The following GABRB1 variants were observed in gnomAD, a reference collection of about 807,000 sequenced individuals.
The protein encoded by GABRB1 is gamma-aminobutyric acid receptor subunit beta-1.
Under a neutral mutation model 51.6 loss-of-function variants are expected in GABRB1, and 17 were observed. The observed-to-expected ratio is 0.33, with a 90% CI of 0.23 to 0.49. The LOEUF (loss-of-function observed/expected upper bound fraction) is 0.49, where lower values mean the gene tolerates loss of function less well. Ranked by LOEUF, GABRB1 falls within the 20% of genes least tolerant of loss-of-function variation. The probability of loss-of-function intolerance (pLI) is 0.99; values close to 1 mark genes in which losing one functional copy is unlikely to be tolerated. For missense variants in GABRB1, 410 were observed against 600.6 expected, an observed-to-expected ratio of 0.68 and a Z score of 3.32; for synonymous variants, 247 against 218.9, an observed-to-expected ratio of 1.13 and a Z score of -1.14.
rs554685326 is a variant in GABRB1 at position 47,134,755 on chromosome 4, A to C, written c.241-26494A>C. Reference sequence around the variant, plus strand: ...AGTACAGTAGGTGGAAAAGGACACAAAGGGACATGAGCAAAAAGTTTTGGC... The same window carrying C: ...AGTACAGTAGGTGGAAAAGGACACACAGGGACATGAGCAAAAAGTTTTGGC... On this transcript the variant is annotated intron_variant, in intron 3 of 8. Transcript: ENST00000295454. 2.6e-5 allele frequency among the ~76,000 whole-genome samples: 4 copies of C among 152,236 alleles called. No individual in the cohort carries two copies. In the South Asian group the frequency reaches 8.3e-4, roughly 32 times the overall value.
chr4:47,284,036 T>G (rs188189693), intron 4 of GABRB1, among the ~76,000 whole-genome samples: 1,962 of 144,018 alleles, frequency 0.014, 22 homozygotes, highest in Non-Finnish European at 0.019. Context: ...AGGCGGAGCT[T>G]GCAGTGAGCC....
intron 3 of GABRB1, among the ~76,000 whole-genome samples, chr4:47,052,166 C>A (rs546943233): frequency 6.6e-6 from 1 of 152,164 alleles, no homozygotes; most frequent in South Asian, 2.1e-4. Context: ...TGATTATAAC[C>A]AGCATACAGG....
chr4:47,219,941 G>A (rs1214050757), intron 4 of GABRB1, among the ~76,000 whole-genome samples: 1 of 151,658 alleles, frequency 6.6e-6, no homozygotes, highest in Non-Finnish European at 1.5e-5. Context: ...CTCACATTCA[G>A]CCATTTTAGT....
At position 47,099,196 on chromosome 4, in the gene GABRB1, A is replaced by G. The variant is rs562284000; in HGVS notation, c.241-62053A>G. Among the ~76,000 whole-genome samples the G allele has an allele frequency of 6.4e-4, 97 of 152,246 alleles. 1 individual carries two copies. Among genetic ancestry groups the G allele is most frequent in the South Asian group, 1.5e-3 (7 of 4,818 alleles). On this transcript the variant is annotated intron_variant, in intron 3 of 8. Coordinates refer to ENST00000295454, the MANE Select transcript of GABRB1 (RefSeq NM_000812.4). ...CATAAGTTACAGAGCAGTGCTTCTCAAATAACAAGGGCATACATACCCACA... is the reference window on the plus strand; with the variant it reads ...CATAAGTTACAGAGCAGTGCTTCTCGAATAACAAGGGCATACATACCCACA...
intron 4 of GABRB1, among the ~76,000 whole-genome samples, chr4:47,284,046 C>T (rs1296048968): frequency 1.4e-5 from 2 of 142,112 alleles, no homozygotes; most frequent in African/African-American, 2.7e-5. Context: ...TGCAGTGAGC[C>T]GGGTCAGCGC....
At chr4:47,172,972 T>G (rs1418036287) in intron 4 of GABRB1, among the ~76,000 whole-genome samples, 1 of 152,068 alleles carries the variant, frequency 6.6e-6, no homozygotes, top group Non-Finnish European at 1.5e-5. Flanking sequence ...GCTATTAGGG[T>G]AGAGCCCACC....
chr4:47,138,226 G>A (rs996520766), intron 3 of GABRB1, among the ~76,000 whole-genome samples: 1 of 152,058 alleles, frequency 6.6e-6, no homozygotes, highest in Non-Finnish European at 1.5e-5. Flanking sequence ...TCTCAATAGT[G>A]AAAGAGAGGA....
chr4:47,237,206 A>T (rs1236931022), intron 4 of GABRB1, among the ~76,000 whole-genome samples: 1 of 152,074 alleles, frequency 6.6e-6, no homozygotes, highest in Non-Finnish European at 1.5e-5. Flanking sequence ...CTTGGAGTAC[A>T]TCAGATCTAG....
chr4:47,037,732 T>C (rs1725652619), intron 3 of GABRB1, among the ~76,000 whole-genome samples: 1 of 152,152 alleles, frequency 6.6e-6, no homozygotes, highest in Non-Finnish European at 1.5e-5. Context: ...ATGTGAGGTA[T>C]GGTTATCAGT....
At chr4:47,110,171 T>C (rs1012731822) in intron 3 of GABRB1, among the ~76,000 whole-genome samples, 2 of 152,148 alleles carry the variant, frequency 1.3e-5, no homozygotes, top group Non-Finnish European at 2.9e-5. Context: ...TGTGAATCTC[T>C]ACTTAAAGAT....
At chr4:47,351,491 G>A (rs920030502) in intron 5 of GABRB1, among the ~76,000 whole-genome samples, 1 of 151,780 alleles carries the variant, frequency 6.6e-6, no homozygotes. Context: ...CATGTGCCAT[G>A]CTAGTGTGCT....
chr4:47,107,179 C>A (rs1403354163), intron 3 of GABRB1, among the ~76,000 whole-genome samples: 1 of 151,958 alleles, frequency 6.6e-6, no homozygotes, highest in Non-Finnish European at 1.5e-5. Context: ...GACATCAGCT[C>A]AAAAGAAAAA....
chr4:47,398,258 G>T (rs1278445710), intron 5 of GABRB1, among the ~76,000 whole-genome samples: 1 of 151,972 alleles, frequency 6.6e-6, no homozygotes, highest in Non-Finnish European at 1.5e-5. Flanking sequence ...AATTCTTATT[G>T]TTTGTAATAG....
intron 4 of GABRB1, among the ~76,000 whole-genome samples, chr4:47,295,640 C>T (rs963016582): frequency 6.6e-6 from 1 of 152,174 alleles, no homozygotes; most frequent in Non-Finnish European, 1.5e-5. Context: ...GACTGGTGTA[C>T]CTGAAAGTGA....
intron 5 of GABRB1, among the ~76,000 whole-genome samples, chr4:47,358,155 C>T (rs1726656310): frequency 6.6e-6 from 1 of 151,976 alleles, no homozygotes; most frequent in Non-Finnish European, 1.5e-5. Context: ...ACTCTAAAGG[C>T]CGTTCACTTA....
chr4:47,124,978 T>A (rs1287845631), intron 3 of GABRB1, among the ~76,000 whole-genome samples: 1 of 152,166 alleles, frequency 6.6e-6, no homozygotes, highest in African/African-American at 2.4e-5. Context: ...TCTAAAGCCA[T>A]GAAGCTTAGA....
chr4:47,008,884 A>G (rs1349226092), intron 1 of GABRB1, among the ~76,000 whole-genome samples: 1 of 8,386 alleles, frequency 1.2e-4, no homozygotes, highest in African/African-American at 3.3e-4. Context: ...TTTTTTTTTG[A>G]GACGAGTCTC....
At chr4:47,041,874 C>T (rs527444877) in intron 3 of GABRB1, among the ~76,000 whole-genome samples, 5 of 151,974 alleles carry the variant, frequency 3.3e-5, no homozygotes, top group Non-Finnish European at 7.4e-5. Context: ...CCTCTCCCAC[C>T]CAAATGCCTC....
chr4:47,042,419 T>C, intron 3 of GABRB1, among the ~76,000 whole-genome samples: 1 of 139,144 alleles, frequency 7.2e-6, no homozygotes, highest in Non-Finnish European at 1.6e-5. Flanking sequence ...GTACAGTATA[T>C]ATATATATAT....
Sources: gnomAD v4.1 joint callset for allele counts (sites outside exome capture counted in the v4.1 genomes callset) on GRCh38, gnomAD v4.1.1 for gene constraint, MANE v1.5 for transcripts, NCBI Gene and HGNC (gene_info 2026-07-23, HGNC 2026-07-21) for gene names.